NEGR1: variants seen among roughly 807,000 people sequenced by gnomAD.
NEGR1 encodes the protein IgLON family member 4.
A neutral mutation model predicts 40.9 loss-of-function variants in NEGR1; 10 were observed. The observed-to-expected ratio is 0.24, with a 90% CI of 0.15 to 0.42. The LOEUF is 0.42. Among genes scored for constraint, NEGR1 ranks in the 10% least tolerant of loss-of-function variants. The pLI is 1.00. For missense variants in NEGR1, 352 were observed against 438.9 expected (o/e 0.80, Z 1.77); for synonymous variants, 185 against 166.8 (o/e 1.11, Z -0.84).
chr1:71,796,225 A>G (rs1227797327), intron 2 of NEGR1, among the ~76,000 whole-genome samples: 1 of 152,018 alleles, frequency 6.6e-6, no homozygotes, highest in Non-Finnish European at 1.5e-5. Context: ...TTCCACTCCC[A>G]TCTCAGGAGG....
intron 5 of NEGR1, among the ~76,000 whole-genome samples, chr1:71,599,424 G>T (rs1432629458): frequency 6.6e-6 from 1 of 152,110 alleles, no homozygotes; most frequent in African/African-American, 2.4e-5. Context: ...GCTTTTCACA[G>T]ATTTAACAAA....
chr1:71,945,137 A>T (rs1001976683), intron 1 of NEGR1, among the ~76,000 whole-genome samples: 2 of 152,172 alleles, frequency 1.3e-5, no homozygotes, highest in Admixed American at 6.5e-5. Flanking sequence ...TATAGTTAAT[A>T]TTGAGTTCAA....
At chr1:72,219,682 A>G (rs1386562860) in intron 1 of NEGR1, among the ~76,000 whole-genome samples, 1 of 152,098 alleles carries the variant, frequency 6.6e-6, no homozygotes, top group Non-Finnish European at 1.5e-5. Context: ...TATGTTTATA[A>G]TTAAATTAAA....
intron 1 of NEGR1, among the ~76,000 whole-genome samples, chr1:72,055,149 C>T (rs1169084012): frequency 2.0e-5 from 3 of 150,944 alleles, no homozygotes; most frequent in Non-Finnish European, 4.5e-5. Context: ...ATACTGATGC[C>T]AAATACTATA....
At position 71,398,528 on chromosome 1, in the gene NEGR1, A is replaced by T. The variant is rs982934251; in HGVS notation, c.*8918T>A. ...CACTTGGAATGGCTATGCTTACCCAATGCCTGTACTTCCATTGCATCTAGG... is the reference window on the plus strand; with the variant it reads ...CACTTGGAATGGCTATGCTTACCCATTGCCTGTACTTCCATTGCATCTAGG... On this transcript the variant is annotated 3_prime_UTR_variant, in exon 7 of 7. Transcript: ENST00000357731. The T allele has an allele frequency of 6.6e-6, 1 of 152,166 alleles. No homozygotes were observed. Among genetic ancestry groups the T allele is most frequent in the Non-Finnish European group, 1.5e-5 (1 of 68,060 alleles). The allele number at this position is 152,166 out of a possible 1,614,324, so 9.4% of individuals were successfully genotyped here.
At chr1:71,592,288 TAA>T (rs558709310) in intron 6 of NEGR1, among the ~76,000 whole-genome samples, 53 of 152,244 alleles carry the variant, frequency 3.5e-4, no homozygotes, top group African/African-American at 1.1e-3. Flanking sequence ...AATAAAATCT[TAA>T]GTTTTATTTT....
At position 71,601,608 on chromosome 1, in the gene NEGR1, A is replaced by G. The variant is rs115817322; in HGVS notation, c.789-8640T>C. Among the ~76,000 whole-genome samples, 1,184 of 152,356 alleles carry G rather than the reference A, an allele frequency of 7.8e-3. 28 individuals carry two copies. Among genetic ancestry groups the G allele is most frequent in the African/African-American group, 0.027 (1,138 of 41,588 alleles). On this transcript the variant is annotated intron_variant, in intron 5 of 6. Transcript: ENST00000357731. ...TAAAGAAAATGTGGCACATATATTC[A>G]GTGAAATACTATGCAGCCATATAAA... is the stretch of plus-strand genomic sequence containing the variant.
chr1:71,411,699 C>G (rs1394035119), intron 6 of NEGR1, among the ~76,000 whole-genome samples: 1 of 152,092 alleles, frequency 6.6e-6, no homozygotes, highest in East Asian at 1.9e-4. Context: ...CTAGGAAAGG[C>G]AAGAGTAAAG....
rs77214710 is a variant in NEGR1 at position 71,545,905 on chromosome 1, C to T, written c.940+46912G>A. Among the ~76,000 whole-genome samples, 169 of 151,762 alleles carry T rather than the reference C, an allele frequency of 1.1e-3. 1 individual carries two copies. Among genetic ancestry groups the T allele is most frequent in the African/African-American group, 3.9e-3 (163 of 41,484 alleles). ...TTTTGGCACCATTTGCTACTTTCCTCTCTGTAAAATTAGCAATCTAAATAT... is the reference window on the plus strand; with the variant it reads ...TTTTGGCACCATTTGCTACTTTCCTTTCTGTAAAATTAGCAATCTAAATAT... On this transcript the variant is annotated intron_variant, in intron 6 of 6. Coordinates refer to ENST00000357731, the MANE Select transcript of NEGR1 (RefSeq NM_173808.3).
At chr1:72,156,889 G>A (rs1455881413) in intron 1 of NEGR1, among the ~76,000 whole-genome samples, 1 of 152,014 alleles carries the variant, frequency 6.6e-6, no homozygotes, top group Non-Finnish European at 1.5e-5. Flanking sequence ...CTACCTTCCA[G>A]ATTACTCATT....
At chr1:71,552,707 G>A (rs1302527081) in intron 6 of NEGR1, among the ~76,000 whole-genome samples, 1 of 150,918 alleles carries the variant, frequency 6.6e-6, no homozygotes, top group Admixed American at 6.6e-5. Context: ...TCAGAATTGA[G>A]CTCAGTTCCA....
chr1:71,610,117 G>A (rs994622033), intron 5 of NEGR1, among the ~76,000 whole-genome samples: 2 of 152,080 alleles, frequency 1.3e-5, no homozygotes, highest in Admixed American at 6.5e-5. Context: ...ACCCAGTCTT[G>A]GGCAGTTTTT....
chr1:71,972,127 T>C (rs1557462298), intron 1 of NEGR1, among the ~76,000 whole-genome samples: 1 of 152,236 alleles, frequency 6.6e-6, no homozygotes, highest in South Asian at 2.1e-4. Flanking sequence ...TCATAAATTA[T>C]AGGTGAATGG....
At chr1:72,036,613 G>T (rs565784487) in intron 1 of NEGR1, among the ~76,000 whole-genome samples, 1 of 147,614 alleles carries the variant, frequency 6.8e-6, no homozygotes, top group African/African-American at 2.5e-5. Context: ...CCGAGATTGC[G>T]CTATTGTACT....
intron 6 of NEGR1, among the ~76,000 whole-genome samples, chr1:71,476,517 C>T (rs1443114753): frequency 6.6e-6 from 1 of 151,962 alleles, no homozygotes; most frequent in African/African-American, 2.4e-5. Flanking sequence ...CAGATAGTAA[C>T]GTGTGGGGTA....
chr1:72,134,899 A>G (rs562045616), intron 1 of NEGR1, among the ~76,000 whole-genome samples: 4 of 150,898 alleles, frequency 2.7e-5, no homozygotes, highest in Admixed American at 2.0e-4. Flanking sequence ...CATAACACCC[A>G]GCTAATTTTG....
chr1:72,134,622 T>C (rs1456392374), intron 1 of NEGR1, among the ~76,000 whole-genome samples: 1 of 140,888 alleles, frequency 7.1e-6, no homozygotes, highest in Non-Finnish European at 1.5e-5. Context: ...TTATATAAGA[T>C]CTAGATAAGA....
At chr1:71,697,146 G>A (rs1051904143) in intron 4 of NEGR1, among the ~76,000 whole-genome samples, 1 of 151,758 alleles carries the variant, frequency 6.6e-6, no homozygotes, top group African/African-American at 2.4e-5. Context: ...CTTCTGATCT[G>A]CAGCATAATA....
chr1:71,928,614 T>C (rs1370148627), intron 2 of NEGR1, among the ~76,000 whole-genome samples: 1 of 150,910 alleles, frequency 6.6e-6, no homozygotes, highest in African/African-American at 2.4e-5. Context: ...GTTTTATATA[T>C]ATATAAAATG....
Sources: allele counts gnomAD v4.1 joint callset (sites outside exome capture counted in the v4.1 genomes callset), GRCh38; gene constraint gnomAD v4.1.1; transcripts MANE v1.5; gene names NCBI Gene and HGNC (gene_info 2026-07-23, HGNC 2026-07-21).